CCDC178: variants seen among roughly 807,000 people sequenced by gnomAD.
The protein encoded by CCDC178 is coiled-coil domain-containing protein 178.
Under a neutral mutation model 117.4 loss-of-function variants are expected in CCDC178, and 126 were observed. That is an observed-to-expected ratio of 1.07 (90% CI 0.93 to 1.24). The LOEUF (loss-of-function observed/expected upper bound fraction) is 1.24. Ranked by LOEUF, CCDC178 falls within the 50% of genes most tolerant of loss-of-function variation. The pLI, the probability that CCDC178 is intolerant of heterozygous loss-of-function variation, is 0.00. For missense variants in CCDC178, 1,030 were observed against 986.9 expected (o/e 1.04, Z -0.59); for synonymous variants, 283 against 313.4 (o/e 0.90, Z 1.02).
At chr18:32,946,651 C>T (rs2054356099) in intron 22 of CCDC178, among the ~76,000 whole-genome samples, 1 of 149,158 alleles carries the variant, frequency 6.7e-6, no homozygotes, top group South Asian at 2.1e-4. Flanking sequence ...TATAGATTTG[C>T]TGAATTGAAT....
intron 20 of CCDC178, among the ~76,000 whole-genome samples, chr18:33,177,974 C>T (rs2058683548): frequency 6.6e-6 from 1 of 152,006 alleles, no homozygotes; most frequent in Non-Finnish European, 1.5e-5. Context: ...TCCGCAAATT[C>T]CTCTGTACCC....
chr18:33,130,082 A>G (rs999277399), intron 20 of CCDC178, among the ~76,000 whole-genome samples: 1 of 151,946 alleles, frequency 6.6e-6, no homozygotes, highest in African/African-American at 2.4e-5. Context: ...ACTTGATAGC[A>G]TAGCTAAATT....
intron 5 of CCDC178, among the ~76,000 whole-genome samples, chr18:33,386,231 A>C (rs2041560286): frequency 6.6e-6 from 1 of 152,208 alleles, no homozygotes; most frequent in South Asian, 2.1e-4. Flanking sequence ...CCAACTAAAA[A>C]AAGGCCCAGA....
chr18:33,038,304 T>G (rs185067932), intron 21 of CCDC178, among the ~76,000 whole-genome samples: 64 of 152,064 alleles, frequency 4.2e-4, no homozygotes, highest in African/African-American at 1.4e-3. Context: ...TATAAATATA[T>G]CAGGGAAGCT....
intron 21 of CCDC178, among the ~76,000 whole-genome samples, chr18:33,009,884 C>A (rs761752244): frequency 6.6e-6 from 1 of 152,062 alleles, no homozygotes; most frequent in Non-Finnish European, 1.5e-5. Flanking sequence ...TTGATGTATA[C>A]TTTATCTCAT....
chr18:33,208,107 C>T (rs572663932), intron 20 of CCDC178, among the ~76,000 whole-genome samples: 4 of 152,090 alleles, frequency 2.6e-5, no homozygotes, highest in East Asian at 1.9e-4. Context: ...AAAAGCAATA[C>T]GATAAGCCTA....
At chr18:33,112,211 TA>T (rs2145133576) in intron 20 of CCDC178, among the ~76,000 whole-genome samples, 1 of 151,880 alleles carries the variant, frequency 6.6e-6, no homozygotes, top group Admixed American at 6.6e-5. Flanking sequence ...CAAAGCTCCG[TA>T]AGATGACCCC....
chr18:33,350,703 T>C (rs2062963660), intron 7 of CCDC178, among the ~76,000 whole-genome samples: 1 of 152,174 alleles, frequency 6.6e-6, no homozygotes, highest in East Asian at 1.9e-4. Flanking sequence ...TGTCCACCTT[T>C]TGGCTATTGT....
chr18:33,371,241 T>C (rs1314129041), intron 5 of CCDC178, among the ~76,000 whole-genome samples: 2 of 151,902 alleles, frequency 1.3e-5, no homozygotes, highest in African/African-American at 2.4e-5. Flanking sequence ...AAGTGTTCAG[T>C]CTATTCTACA....
rs2062261295 is a variant in CCDC178, at chr18:33,306,767, T to C, written c.1023-13455A>G. Among the ~76,000 whole-genome samples the C allele has an allele frequency of 2.6e-5, 4 of 152,060 alleles. No individual in the cohort carries two copies. The South Asian group carries it at 8.3e-4, about 32-fold the overall frequency. On this transcript the variant is annotated intron_variant, in intron 11 of 22. Coordinates refer to ENST00000383096, the MANE Select transcript of CCDC178 (RefSeq NM_001105528.4). ...GTCCCCACCCAAATCTCATCTTGAA[T>C]TGTAGCTCCCATAATCCCCATGTGT...
intron 21 of CCDC178, among the ~76,000 whole-genome samples, 195 bp from the exon 22 acceptor site, chr18:32,974,876 T>G (rs763424125): frequency 6.6e-6 from 1 of 152,156 alleles, no homozygotes; most frequent in African/African-American, 2.4e-5. Flanking sequence ...ACCAGTCACA[T>G]CTGGCCGCCA....
In CCDC178 at chr18:33,072,905, C is replaced by T. The variant is rs117380244; in HGVS notation, c.2388+19856G>A. On this transcript the variant is annotated intron_variant, in intron 21 of 22. Transcript: ENST00000383096. ...TACAGGCATGAGTCACTGAGCCTGG[C>T]CAACTATACATTTTTTAAATAATCA... is the stretch of plus-strand genomic sequence containing the variant. Among the ~76,000 whole-genome samples, 645 of 152,102 alleles carry T rather than the reference C, an allele frequency of 4.2e-3. 8 individuals carry two copies. Among genetic ancestry groups the T allele is most frequent in the East Asian group, 0.04 (207 of 5,164 alleles).
At chr18:32,975,896 G>T (rs1254066456) in intron 21 of CCDC178, among the ~76,000 whole-genome samples, 2 of 151,826 alleles carry the variant, frequency 1.3e-5, no homozygotes, top group Non-Finnish European at 2.9e-5. Flanking sequence ...GTAAAATTTG[G>T]GAATGCTTTT....
intron 21 of CCDC178, among the ~76,000 whole-genome samples, chr18:33,001,316 G>A (rs1308823621): frequency 6.6e-6 from 1 of 152,010 alleles, no homozygotes; most frequent in African/African-American, 2.4e-5. Context: ...TCAGGAGATT[G>A]AGACAATCCT....
intron 21 of CCDC178, among the ~76,000 whole-genome samples, chr18:32,991,505 T>C (rs555021985): frequency 6.6e-6 from 1 of 152,290 alleles, no homozygotes; most frequent in East Asian, 1.9e-4. Flanking sequence ...ATGGTGGTAG[T>C]GTCAAGATAG....
At chr18:33,136,072 C>G (rs1046374851) in intron 20 of CCDC178, 1 of 152,112 alleles carries the variant, frequency 6.6e-6, no homozygotes, top group Admixed American at 6.6e-5. Context: ...TTTTGCAGAG[C>G]AAGTTCAAGG....
intron 22 of CCDC178, among the ~76,000 whole-genome samples, chr18:32,960,277 A>G (rs2054680823): frequency 6.6e-6 from 1 of 152,110 alleles, no homozygotes; most frequent in African/African-American, 2.4e-5. Flanking sequence ...TATTTTGAAG[A>G]GGTGAGAGAA....
chr18:33,378,582 T>C (rs994426889), intron 5 of CCDC178, among the ~76,000 whole-genome samples: 3 of 151,748 alleles, frequency 2.0e-5, no homozygotes, highest in Non-Finnish European at 4.4e-5. Flanking sequence ...CTGTCATAGA[T>C]GGCTCTCATT....
chr18:33,343,022 C>G (rs77134239), intron 9 of CCDC178, among the ~76,000 whole-genome samples: 12,028 of 152,212 alleles, frequency 0.079, 543 homozygotes, highest in Non-Finnish European at 0.093. Context: ...GATTAGCTTT[C>G]ACCCTTCCCA....
Sources: gnomAD v4.1 joint callset for allele counts (sites outside exome capture counted in the v4.1 genomes callset) on GRCh38, gnomAD v4.1.1 for gene constraint, MANE v1.5 for transcripts, NCBI Gene and HGNC (gene_info 2026-07-23, HGNC 2026-07-21) for gene names.